The following DUSP16 variants were observed in gnomAD, a reference collection of about 807,000 sequenced individuals.
The protein encoded by DUSP16 is dual specificity protein phosphatase 16.
Under a neutral mutation model 58.3 loss-of-function variants are expected in DUSP16, and 21 were observed. The observed-to-expected ratio is 0.36, with a 90% CI of 0.26 to 0.52. DUSP16 has a LOEUF of 0.52. Ranked by LOEUF, DUSP16 falls within the 20% of genes least tolerant of loss-of-function variation. The probability of loss-of-function intolerance (pLI) is 0.94; values close to 1 mark genes in which losing one functional copy is unlikely to be tolerated. For synonymous variants in DUSP16, 320 were observed against 323.8 expected (o/e 0.99, Z 0.12); for missense variants, 726 against 819.0 (o/e 0.89, Z 1.39).
chr12:12,538,761 G>A (rs1174362706), intron 1 of DUSP16, among the ~76,000 whole-genome samples: 1 of 152,188 alleles, frequency 6.6e-6, no homozygotes, highest in Admixed American at 6.5e-5. Context: ...TCTAGTGAAG[G>A]GGGAGGAACC....
intron 6 of DUSP16, among the ~76,000 whole-genome samples, chr12:12,479,763 T>G (rs1206385057): frequency 1.3e-5 from 2 of 152,208 alleles, no homozygotes; most frequent in African/African-American, 4.8e-5. Context: ...GAAATTTTAC[T>G]GAAGAATGGA....
At chr12:12,505,412 A>C (rs185045561) in intron 3 of DUSP16, among the ~76,000 whole-genome samples, 56 of 152,360 alleles carry the variant, frequency 3.7e-4, no homozygotes, top group African/African-American at 1.3e-3. Flanking sequence ...AGATCCGACA[A>C]GAACAGAGAA....
At chr12:12,487,767 CAT>C (rs571673500) in intron 4 of DUSP16, among the ~76,000 whole-genome samples, 7 of 152,188 alleles carry the variant, frequency 4.6e-5, no homozygotes, top group African/African-American at 1.7e-4. Flanking sequence ...AGAAACTAAA[CAT>C]ATTCTCTTTT....
rs1390962046 is a variant in DUSP16 at position 12,521,150 on chromosome 12, T to C, written c.-52A>G. 6.3e-7 allele frequency: 1 copy of C among 1,585,642 alleles called. No homozygotes were observed. The highest frequency in any genetic ancestry group is 2.3e-5 in the East Asian group (1 of 43,458). On this transcript the variant is annotated 5_prime_UTR_variant, in exon 2 of 7. Transcript: ENST00000298573. ...CTCCTTCTTTAATTTGCCACGATGA[T>C]GTAATGGTGGTGTGCTCAAAGGCTC...
At chr12:12,496,816 C>T (rs1051415049) in intron 4 of DUSP16, among the ~76,000 whole-genome samples, 1 of 152,244 alleles carries the variant, frequency 6.6e-6, no homozygotes, top group Non-Finnish European at 1.5e-5. Context: ...AGTACAAAGA[C>T]TAGAGGATGA....
chr12:12,531,640 G>A (rs1201109109), intron 1 of DUSP16, among the ~76,000 whole-genome samples: 1 of 152,264 alleles, frequency 6.6e-6, no homozygotes, highest in Admixed American at 6.5e-5. Context: ...GGAGGCCGAG[G>A]TGGGTGGATC....
rs1483430687 is a variant in DUSP16 at position 12,556,188 on chromosome 12, T to C, written c.-366+5929A>G. On this transcript the variant is annotated intron_variant, in intron 1 of 6. Transcript: ENST00000298573. ...GAAAATTGGTTAGGTGCATACAGAA[T>C]AATTCTTGAGGGATTTGGTTCTATA... is the stretch of plus-strand genomic sequence containing the variant. Among the ~76,000 whole-genome samples the C allele has an allele frequency of 5.9e-5, 9 of 152,358 alleles. No homozygotes were observed. The East Asian group carries it at 1.5e-3, about 26-fold the overall frequency.
rs1566019840 is a variant in DUSP16 at position 12,520,612 on chromosome 12, AAAATC to A, written c.228+254_228+258del. On this transcript the variant is annotated intron_variant, in intron 2 of 6. Transcript: ENST00000298573. Reference sequence around the variant, plus strand: ...CAGATAATATAGAATAGTGTTTAATAAAATCATTTTAGCAAGCCACAAGAAAATAT... The same window carrying A: ...CAGATAATATAGAATAGTGTTTAATAATTTTAGCAAGCCACAAGAAAATAT... 2.0e-5 allele frequency among the ~76,000 whole-genome samples: 3 copies of A among 152,360 alleles called. 1 individual carries two copies. The highest frequency in any genetic ancestry group is 1.3e-4 in the Admixed American group (2 of 15,304).
At chr12:12,479,571 A>G (rs543789333) in intron 6 of DUSP16, among the ~76,000 whole-genome samples, 6 of 150,644 alleles carry the variant, frequency 4.0e-5, no homozygotes, top group African/African-American at 1.2e-4. Context: ...GCAATTTGAG[A>G]AAAAAAAAAT....
At position 12,476,954 on chromosome 12, in the gene DUSP16, C is replaced by A. The variant is rs778536519; in HGVS notation, c.1877G>T (p.Arg626Ile). Residue 626 changes from arginine to isoleucine, a missense_variant, in exon 7 of 7, where the codon AGA becomes ATA. Physicochemically the swap from Arg to Ile is moderately conservative, Grantham distance 97. Coordinates refer to ENST00000298573, the MANE Select transcript of DUSP16 (RefSeq NM_030640.3). Reference protein sequence around the residue: ...ESPFEKQFKRRSCQMEFGESI... With the variant: ...ESPFEKQFKRISCQMEFGESI... The stretch of plus-strand genomic sequence containing the variant: ...CTCTCCAAATTCCATTTGGCAGCTT[C>A]TGCGTTTAAACTGCTTTTCAAAGGG... 3.1e-6 allele frequency: 5 copies of A among 1,614,210 alleles called. No individual in the cohort carries two copies. Among genetic ancestry groups the A allele is most frequent in the Non-Finnish European group, 3.4e-6 (4 of 1,180,038 alleles).
At chr12:12,515,451 C>T (rs1337521156) in intron 3 of DUSP16, among the ~76,000 whole-genome samples, 1 of 151,894 alleles carries the variant, frequency 6.6e-6, no homozygotes, top group Admixed American at 6.6e-5. Flanking sequence ...CCTCAGCTTC[C>T]TGAGCAGCTA....
intron 1 of DUSP16, among the ~76,000 whole-genome samples, chr12:12,546,279 T>G (rs1341850247): frequency 6.6e-6 from 1 of 152,190 alleles, no homozygotes; most frequent in Non-Finnish European, 1.5e-5. Context: ...GTGGTTGTGT[T>G]TTTTCACAAT....
At chr12:12,538,035 G>A (rs1944495500) in intron 1 of DUSP16, among the ~76,000 whole-genome samples, 1 of 152,080 alleles carries the variant, frequency 6.6e-6, no homozygotes, top group Non-Finnish European at 1.5e-5. Context: ...GCCCAACCAG[G>A]CCCACCTCTG....
chr12:12,499,378 G>A (rs1461893665), intron 4 of DUSP16, among the ~76,000 whole-genome samples: 1 of 152,154 alleles, frequency 6.6e-6, no homozygotes, highest in Non-Finnish European at 1.5e-5. Context: ...GAAAGGCTCG[G>A]TACAAGCATA....
rs756910551 is a variant in DUSP16 at position 12,477,736 on chromosome 12, G to A, written c.1095C>T (p.Ser365=). The A allele has an allele frequency of 8.4e-6, 12 of 1,428,712 alleles. No individual in the cohort carries two copies. The South Asian group carries it at 1.1e-4, about 14-fold the overall frequency. The allele number at this position is 1,428,712 out of a possible 1,614,324, so 88.5% of individuals were successfully genotyped here. The change falls in exon 7 of 7, where the codon AGC becomes AGT. Residue 365 remains serine (S), a synonymous_variant. Transcript: ENST00000298573. The surrounding 1 kb of genome is among the most constrained non-coding windows in gnomAD (Gnocchi z 4.1). ...VHPASVPSVP[S]VQPSLLEDSP... ...TGTCCTCTAACAGCGACGGCTGCAC[G>A]CTGGGCACGCTGGGCACGCTGGCGG...
rs11450029 is a variant in DUSP16 at position 12,532,948 on chromosome 12, CA to C, written c.-365-11486del. Among the ~76,000 whole-genome samples the C allele has an allele frequency of 8.0e-3, 907 of 113,272 alleles. 4 individuals are homozygous for C. The highest frequency in any genetic ancestry group is 0.01 in the African/African-American group (322 of 31,648). The allele number at this position is 113,272 out of a possible 152,430, so 74.3% of individuals were successfully genotyped here. On this transcript the variant is annotated intron_variant, in intron 1 of 6. Coordinates refer to ENST00000298573, the MANE Select transcript of DUSP16 (RefSeq NM_030640.3). ...GGGGGACGAGAGCGAAACTCTGTCT[CA>C]AAAAAAAAAAAAAACAAAGAAGATG...
intron 3 of DUSP16, among the ~76,000 whole-genome samples, chr12:12,509,700 T>G (rs1431370820): frequency 6.6e-6 from 1 of 152,214 alleles, no homozygotes; most frequent in Non-Finnish European, 1.5e-5. Context: ...CCTCAGCATT[T>G]AGCATAGTGC....
chr12:12,479,573 A>C (rs1943523057), intron 6 of DUSP16, among the ~76,000 whole-genome samples: 1 of 152,186 alleles, frequency 6.6e-6, no homozygotes, highest in Admixed American at 6.5e-5. Flanking sequence ...AATTTGAGAA[A>C]AAAAAAATCC....
At chr12:12,542,202 C>T (rs977867806) in intron 1 of DUSP16, among the ~76,000 whole-genome samples, 2 of 151,840 alleles carry the variant, frequency 1.3e-5, no homozygotes, top group African/African-American at 4.8e-5. Flanking sequence ...GGAGAAATCC[C>T]GTCTCTACTA....
Sources: gnomAD v4.1 joint callset for allele counts (sites outside exome capture counted in the v4.1 genomes callset) on GRCh38, gnomAD v4.1.1 for gene constraint, Gnocchi (gnomAD v3.1) non-coding constraint, MANE v1.5 for transcripts, NCBI Gene and HGNC (gene_info 2026-07-23, HGNC 2026-07-21) for gene names.